Variants in ZNF804B observed in about 807,000 individuals in gnomAD.
The protein encoded by ZNF804B is zinc finger protein 804B, also known as zinc finger 804B.
Under a neutral mutation model 101.4 loss-of-function variants are expected in ZNF804B, and 80 were observed. The ratio of observed to expected loss-of-function variants is 0.79; its 90% CI spans 0.66 to 0.95. The LOEUF (loss-of-function observed/expected upper bound fraction) is 0.95, where lower values mean the gene tolerates loss of function less well. Ranked by LOEUF, ZNF804B falls within the 40% of genes least tolerant of loss-of-function variation. The pLI is 0.00. For missense variants in ZNF804B, 1,673 were observed against 1,561.9 expected, an observed-to-expected ratio of 1.07 and a Z score of -1.20; for synonymous variants, 622 against 558.8, an observed-to-expected ratio of 1.11 and a Z score of -1.59.
chr7:89,216,170 G>A (rs1188198249), intron 1 of ZNF804B, among the ~76,000 whole-genome samples: 3 of 152,102 alleles, frequency 2.0e-5, no homozygotes, highest in Non-Finnish European at 2.9e-5. Context: ...AGCTGGGCGC[G>A]GTGGCGCGCG....
intron 1 of ZNF804B, among the ~76,000 whole-genome samples, chr7:89,165,858 G>C (rs1348113334): frequency 1.3e-5 from 2 of 151,622 alleles, no homozygotes; most frequent in East Asian, 3.9e-4. Context: ...AAATGAGAGA[G>C]TTTCTAAACA....
At chr7:89,153,052 C>T (rs1278823260) in intron 1 of ZNF804B, among the ~76,000 whole-genome samples, 2 of 151,934 alleles carry the variant, frequency 1.3e-5, no homozygotes, top group Admixed American at 6.6e-5. Context: ...GACTCAAAAG[C>T]AAATACTATA....
chr7:88,942,645 A>G (rs1793072657), intron 1 of ZNF804B, among the ~76,000 whole-genome samples: 4 of 151,710 alleles, frequency 2.6e-5, no homozygotes, highest in South Asian at 2.1e-4. Context: ...GAATGAATGC[A>G]TGAATAAACA....
intron 1 of ZNF804B, among the ~76,000 whole-genome samples, chr7:89,158,586 G>A (rs535615078): frequency 3.6e-4 from 54 of 151,954 alleles, no homozygotes; most frequent in Non-Finnish European, 6.8e-4. Context: ...CAACTTAATG[G>A]AATAGAATAC....
chr7:88,956,975 C>T (rs2116081329), intron 1 of ZNF804B, among the ~76,000 whole-genome samples: 1 of 151,474 alleles, frequency 6.6e-6, no homozygotes, highest in South Asian at 2.1e-4. Flanking sequence ...ATGAATACTG[C>T]CTAAAAATAG....
chr7:89,007,446 T>TATATA (rs1788382638), intron 1 of ZNF804B, among the ~76,000 whole-genome samples: 847 of 57,174 alleles, frequency 0.015, 46 homozygotes, highest in African/African-American at 0.028. Flanking sequence ...ATCCATGATT[T>TATATA]TATATATATA....
At chr7:89,169,230 C>T (rs563153844) in intron 1 of ZNF804B, among the ~76,000 whole-genome samples, 1 of 152,092 alleles carries the variant, frequency 6.6e-6, no homozygotes, top group African/African-American at 2.4e-5. Flanking sequence ...CGAGCTGGAA[C>T]AAACACGGAC....
intron 1 of ZNF804B, among the ~76,000 whole-genome samples, chr7:89,097,202 A>T (rs1789982654): frequency 6.6e-6 from 1 of 152,176 alleles, no homozygotes; most frequent in Non-Finnish European, 1.5e-5. Context: ...GTGCTTTGAG[A>T]ACTGTTGTGA....
chr7:88,840,150 C>T (rs1267859928), intron 1 of ZNF804B, among the ~76,000 whole-genome samples: 1 of 152,150 alleles, frequency 6.6e-6, no homozygotes, highest in East Asian at 1.9e-4. Flanking sequence ...GAACAAAGTT[C>T]TGGCACAGAG....
At chr7:88,784,245 T>G (rs532793523) in intron 1 of ZNF804B, among the ~76,000 whole-genome samples, 35 of 152,260 alleles carry the variant, frequency 2.3e-4, no homozygotes, top group Non-Finnish European at 5.9e-5. Flanking sequence ...GAAATAGCAG[T>G]GTATTAACCC....
intron 2 of ZNF804B, among the ~76,000 whole-genome samples, chr7:89,284,358 G>C (rs1037873464): frequency 2.6e-5 from 4 of 152,162 alleles, no homozygotes; most frequent in Non-Finnish European, 5.9e-5. Context: ...GCTGTACCTT[G>C]AGTAACCATG....
chr7:88,801,740 TAAAG>T (rs929037449), intron 1 of ZNF804B, among the ~76,000 whole-genome samples: 1 of 152,034 alleles, frequency 6.6e-6, no homozygotes, highest in African/African-American at 2.4e-5. Context: ...ATTTGAAATA[TAAAG>T]ACAGTTTTTA....
chr7:89,208,604 A>G (rs1788753515), intron 1 of ZNF804B, among the ~76,000 whole-genome samples: 1 of 27,072 alleles, frequency 3.7e-5, no homozygotes, highest in African/African-American at 1.7e-4. Context: ...TTCCTTTCTA[A>G]CTTGTTTTTC....
intron 1 of ZNF804B, among the ~76,000 whole-genome samples, chr7:89,067,828 CTT>C (rs112256863): frequency 3.0e-5 from 4 of 132,754 alleles, no homozygotes; most frequent in Admixed American, 7.8e-5. Flanking sequence ...CTTTTCTTTT[CTT>C]TTTTTTTTTT....
chr7:89,296,365 G>T (rs959518528), intron 2 of ZNF804B, among the ~76,000 whole-genome samples: 12 of 151,864 alleles, frequency 7.9e-5, no homozygotes, highest in African/African-American at 2.7e-4. Context: ...AATTTTTGGT[G>T]TTATGAAGCT....
intron 1 of ZNF804B, among the ~76,000 whole-genome samples, chr7:89,130,531 G>A (rs1192500700): frequency 2.0e-5 from 3 of 151,882 alleles, no homozygotes; most frequent in Admixed American, 1.3e-4. Context: ...GCTCATCTTC[G>A]TGAATCTTCT....
chr7:89,157,045 T>A (rs529074749), intron 1 of ZNF804B, among the ~76,000 whole-genome samples: 4 of 152,318 alleles, frequency 2.6e-5, no homozygotes, highest in Admixed American at 1.3e-4. Context: ...CTGCCACAGA[T>A]GCAGGAGAAA....
chr7:89,014,291 C>T (rs1188592583), intron 1 of ZNF804B, among the ~76,000 whole-genome samples: 1 of 151,930 alleles, frequency 6.6e-6, no homozygotes, highest in African/African-American at 2.4e-5. Flanking sequence ...TTACGTTTCC[C>T]TGATGATTAG....
chr7:88,873,776 TCA>T (rs1791878361), intron 1 of ZNF804B, among the ~76,000 whole-genome samples: 1 of 152,206 alleles, frequency 6.6e-6, no homozygotes, highest in African/African-American at 2.4e-5. Flanking sequence ...GATCAGATAG[TCA>T]TAGATATGCG....
Sources: allele counts gnomAD v4.1 joint callset (sites outside exome capture counted in the v4.1 genomes callset), GRCh38; gene constraint gnomAD v4.1.1; transcripts MANE v1.5; gene names NCBI Gene and HGNC (gene_info 2026-07-23, HGNC 2026-07-21).